Variants in ZNF674 observed in about 807,000 individuals in gnomAD.
The protein encoded by ZNF674 is zinc finger family member 674.
A neutral mutation model predicts 7.0 loss-of-function variants in ZNF674; 2 were observed. The ratio of observed to expected loss-of-function variants is 0.29; its 90% CI spans 0.12 to 0.90. The LOEUF is 0.90. Ranked by LOEUF, ZNF674 falls within the 40% of genes least tolerant of loss-of-function variation. ZNF674 has a pLI of 0.57. For missense variants in ZNF674, 297 were observed against 415.5 expected, an observed-to-expected ratio of 0.71 and a Z score of 2.48; for synonymous variants, 103 against 145.2, an observed-to-expected ratio of 0.71 and a Z score of 2.09.
rs1409955273 is a variant in ZNF674, at chrX:46,497,739, T to C, written c.*2104A>G. The C allele has an allele frequency of 9.0e-6, 1 of 111,345 alleles. No homozygotes were observed. The highest frequency in any genetic ancestry group is 1.9e-5 in the Non-Finnish European group (1 of 53,027). 9.2% of individuals were successfully genotyped at this position (111,345 alleles called of 1,213,427 possible). ...CATGCGTAATATACACTTTAAACGATATACTTTATTGGTGATTTCTGGAGA... is the reference window on the plus strand; with the variant it reads ...CATGCGTAATATACACTTTAAACGACATACTTTATTGGTGATTTCTGGAGA... On this transcript the variant is annotated 3_prime_UTR_variant, in exon 6 of 6. Coordinates refer to ENST00000683375, the MANE Select transcript of ZNF674 (RefSeq NM_001190417.2).
At chrX:46,509,493 C>A (rs1332805865) in intron 5 of ZNF674, among the ~76,000 whole-genome samples, 4 of 101,402 alleles carry the variant, frequency 3.9e-5, no homozygotes, top group Non-Finnish European at 8.0e-5. Context: ...TGAACAGACA[C>A]TTCTCAAAAG....
chrX:46,534,321 C>T (rs1602085853), intron 3 of ZNF674, among the ~76,000 whole-genome samples: 1 of 111,035 alleles, frequency 9.0e-6, no homozygotes, highest in East Asian at 2.8e-4. Context: ...AACTGAATTA[C>T]CCATCTCACT....
chrX:46,510,699 G>A (rs1700339967), intron 5 of ZNF674, among the ~76,000 whole-genome samples: 1 of 112,304 alleles, frequency 8.9e-6, no homozygotes, highest in Non-Finnish European at 1.9e-5. Flanking sequence ...GCTGAGGCAG[G>A]AGAATTGCTT....
chrX:46,528,201 G>T, intron 5 of ZNF674, 149 bp downstream of exon 5: 1 of 590,166 alleles, frequency 1.7e-6, no homozygotes. Context: ...GCCTCATTTG[G>T]ACATGACAAC....
intron 2 of ZNF674, 139 bp from the exon 3 acceptor site, chrX:46,542,255 G>A: frequency 2.7e-6 from 1 of 371,494 alleles, no homozygotes; most frequent in Non-Finnish European, 4.7e-6. Context: ...CTATTCCATG[G>A]GACGCTACTA....
intron 5 of ZNF674, among the ~76,000 whole-genome samples, chrX:46,503,661 A>G (rs1046402510): frequency 6.3e-5 from 7 of 111,765 alleles, no homozygotes; most frequent in African/African-American, 2.3e-4. Context: ...TCTGGCACTT[A>G]GTAACCAAAA....
At chrX:46,536,573 C>G (rs1322525871) in intron 3 of ZNF674, among the ~76,000 whole-genome samples, 1 of 86,200 alleles carries the variant, frequency 1.2e-5, no homozygotes, top group African/African-American at 4.5e-5. Flanking sequence ...CTGGCAACAG[C>G]AAGACTCCGT....
At chrX:46,503,236 C>G (rs2146588800) in intron 5 of ZNF674, among the ~76,000 whole-genome samples, 1 of 112,148 alleles carries the variant, frequency 8.9e-6, no homozygotes, top group African/African-American at 3.2e-5. Flanking sequence ...TCTTCTCTGT[C>G]CCGAGACAAG....
Position 46,500,344 on chromosome X carries a change from A to G in ZNF674, c.1230T>C (p.Cys410=), listed in dbSNP as rs1195697227. Residue 410 remains cysteine (C), a synonymous_variant, in exon 6 of 6, where the codon TGT becomes TGC. Transcript: ENST00000683375. ...CACTGAAAGTCTTCCCACATATACT[A>G]CATTCATAGGGTTTCTCTCCTGTAT... ...RIHTGEKPYE[C]SICGKTFSGK... 1 of 1,209,118 alleles carries G rather than the reference A, an allele frequency of 8.3e-7. No individual in the cohort carries two copies. The highest frequency in any genetic ancestry group is 3.0e-5 in the East Asian group (1 of 33,740).
chrX:46,521,243 A>G (rs1010444241), intron 5 of ZNF674, among the ~76,000 whole-genome samples: 4 of 109,767 alleles, frequency 3.6e-5, no homozygotes, highest in Non-Finnish European at 3.8e-5. Flanking sequence ...ACAAAGGGAC[A>G]GTATGCTTGC....
chrX:46,533,588 C>G lies in ZNF674; in HGVS notation c.16-4679G>C, dbSNP rs771149461. Among the ~76,000 whole-genome samples the G allele has an allele frequency of 1.9e-4, 20 of 107,753 alleles. No homozygotes were observed. In the East Asian group the frequency reaches 5.8e-3, roughly 31 times the overall value. The allele number at this position is 107,753 out of a possible 115,157, so 93.6% of individuals were successfully genotyped here. ...ACCAGCCTGGCCAACATGGAGAAAC[C>G]CTGTCTCTACTAAAAATACAAAAAT... On this transcript the variant is annotated intron_variant, in intron 3 of 5. Coordinates refer to ENST00000683375, the MANE Select transcript of ZNF674 (RefSeq NM_001190417.2).
chrX:46,503,947 G>A (rs1169233669), intron 5 of ZNF674, among the ~76,000 whole-genome samples: 1 of 111,115 alleles, frequency 9.0e-6, no homozygotes, highest in Non-Finnish European at 1.9e-5. Flanking sequence ...GCTGAGGCAA[G>A]AGGACTGCTT....
chrX:46,518,890 C>CTAAATAAA lies in ZNF674; in HGVS notation c.238+9452_238+9459dup, dbSNP rs200920300. Among the ~76,000 whole-genome samples the CTAAATAAA allele has an allele frequency of 6.6e-3, 658 of 99,443 alleles. 4 individuals are homozygous for CTAAATAAA. Among genetic ancestry groups the CTAAATAAA allele is most frequent in the South Asian group, 0.013 (26 of 2,037 alleles). The allele number at this position is 99,443 out of a possible 115,157, so 86.4% of individuals were successfully genotyped here. ...TGGGTGACAGAGCGAGACTCCGTCTCTAAATAAATAAATAAATAAATAAAT... is the reference window on the plus strand; with the variant it reads ...TGGGTGACAGAGCGAGACTCCGTCTCTAAATAAATAAATAAATAAATAAATAAATAAAT... On this transcript the variant is annotated intron_variant, in intron 5 of 5. Coordinates refer to ENST00000683375, the MANE Select transcript of ZNF674 (RefSeq NM_001190417.2).
chrX:46,509,350 A>C (rs1477707102), intron 5 of ZNF674, among the ~76,000 whole-genome samples: 210 of 110,532 alleles, frequency 1.9e-3, no homozygotes, highest in African/African-American at 5.1e-3. Context: ...AGTGAACAGG[A>C]AACCTACAAA....
In ZNF674 at chrX:46,519,265, A is replaced by T. The variant is rs12849043; in HGVS notation, c.238+9085T>A. Among the ~76,000 whole-genome samples the T allele has an allele frequency of 3.8e-3, 175 of 45,686 alleles. 1 individual carries two copies. The highest frequency in any genetic ancestry group is 5.6e-3 in the Admixed American group (22 of 3,956). 39.7% of individuals were successfully genotyped at this position (45,686 alleles called of 115,157 possible). ...AGATAGATAGATAGATAGATAGATA[A>T]AGATAGATGATAGATAGATAGATAG... On this transcript the variant is annotated intron_variant, in intron 5 of 5. Coordinates refer to ENST00000683375, the MANE Select transcript of ZNF674 (RefSeq NM_001190417.2).
At chrX:46,541,160 G>A (rs1212791754) in intron 3 of ZNF674, among the ~76,000 whole-genome samples, 1 of 108,776 alleles carries the variant, frequency 9.2e-6, no homozygotes, top group African/African-American at 3.4e-5. Context: ...TCGGGAGTTC[G>A]AGACCAGCCT....
In ZNF674 at chrX:46,501,662, A is replaced by ATGTGTGTGTGTG. The variant is rs372308686; in HGVS notation, c.239-339_239-328dup. 3.0e-3 allele frequency among the ~76,000 whole-genome samples: 309 copies of ATGTGTGTGTGTG among 102,347 alleles called. 1 individual carries two copies. Among genetic ancestry groups the ATGTGTGTGTGTG allele is most frequent in the African/African-American group, 0.01 (285 of 28,210 alleles). 88.9% of individuals were successfully genotyped at this position (102,347 alleles called of 115,157 possible). A position where few individuals can be genotyped will look rare whatever the true frequency, so the allele number is the denominator to read the frequency against. On this transcript the variant is annotated intron_variant, in intron 5 of 5. Coordinates refer to ENST00000683375, the MANE Select transcript of ZNF674 (RefSeq NM_001190417.2). ...TATATATACATATAATTGTATATATATGTGTGTGTGTGTGTGTGTGTGTGT... is the reference window on the plus strand; with the variant it reads ...TATATATACATATAATTGTATATATATGTGTGTGTGTGTGTGTGTGTGTGTGTGTGTGTGTGT...
chrX:46,539,726 G>A (rs1266024425), intron 3 of ZNF674, among the ~76,000 whole-genome samples: 3 of 112,284 alleles, frequency 2.7e-5, no homozygotes, highest in Non-Finnish European at 5.6e-5. Context: ...AGAGGCCAGG[G>A]ACCCTGCTAC....
At chrX:46,518,008 A>AT (rs1391045777) in intron 5 of ZNF674, 1 of 111,118 alleles carries the variant, frequency 9.0e-6, no homozygotes, top group East Asian at 2.8e-4. Context: ...AAAAATAAAA[A>AT]TTAAAAAAAA....
Sources: allele counts gnomAD v4.1 joint callset (sites outside exome capture counted in the v4.1 genomes callset), GRCh38; gene constraint gnomAD v4.1.1; transcripts MANE v1.5; gene names NCBI Gene and HGNC (gene_info 2026-07-23, HGNC 2026-07-21).